The following GRM7 variants were observed in gnomAD, a reference collection of about 807,000 sequenced individuals.
GRM7 encodes glutamate metabotropic receptor 7, also known as metabotropic glutamate receptor 7.
A neutral mutation model predicts 84.5 loss-of-function variants in GRM7; 35 were observed. The ratio of observed to expected loss-of-function variants is 0.41; its 90% CI spans 0.32 to 0.55. The LOEUF (loss-of-function observed/expected upper bound fraction) is 0.55. GRM7 is among the 20% of genes least tolerant of loss of function. The pLI, the probability that GRM7 is intolerant of heterozygous loss-of-function variation, is 0.19. For synonymous variants in GRM7, 487 were observed against 455.1 expected, an observed-to-expected ratio of 1.07 and a Z score of -0.89; for missense variants, 1,003 against 1,194.6, an observed-to-expected ratio of 0.84 and a Z score of 2.36.
intron 1 of GRM7, among the ~76,000 whole-genome samples, chr3:6,882,790 A>G (rs1435606572): frequency 6.6e-6 from 1 of 152,232 alleles, no homozygotes; most frequent in Non-Finnish European, 1.5e-5. Context: ...AAACTTAAAT[A>G]GCTCAGCAGC....
intron 4 of GRM7, among the ~76,000 whole-genome samples, chr3:7,393,456 G>A (rs1695084940): frequency 6.6e-6 from 1 of 152,158 alleles, no homozygotes; most frequent in Non-Finnish European, 1.5e-5. Context: ...GTTTCCCTGT[G>A]TCCAGGGGTC....
intron 7 of GRM7, among the ~76,000 whole-genome samples, chr3:7,474,946 G>A (rs1698862056): frequency 6.6e-6 from 1 of 152,158 alleles, no homozygotes; most frequent in Non-Finnish European, 1.5e-5. Context: ...ATACAAAGTG[G>A]TGACTGGTCT....
intron 1 of GRM7, among the ~76,000 whole-genome samples, chr3:6,983,428 T>C (rs1694277969): frequency 6.6e-6 from 1 of 152,036 alleles, no homozygotes; most frequent in Non-Finnish European, 1.5e-5. Context: ...CTTCAGGGGA[T>C]GAATGGGGAA....
At chr3:7,035,635 T>A (rs550914900) in intron 1 of GRM7, among the ~76,000 whole-genome samples, 1 of 152,294 alleles carries the variant, frequency 6.6e-6, no homozygotes. Flanking sequence ...AAAATGGGAA[T>A]GTATCAAAGA....
chr3:7,095,194 A>G (rs1358270494), intron 1 of GRM7, among the ~76,000 whole-genome samples: 3 of 152,152 alleles, frequency 2.0e-5, no homozygotes, highest in African/African-American at 7.2e-5. Context: ...AAATTAACTA[A>G]TCTTCCCTAA....
rs1702045527 is a variant in GRM7, at chr3:7,724,186, C to G, written c.2699-16171C>G. 2.0e-5 allele frequency among the ~76,000 whole-genome samples: 3 copies of G among 152,138 alleles called. No individual in the cohort carries two copies. The South Asian group carries it at 6.2e-4, about 32-fold the overall frequency. On this transcript the variant is annotated intron_variant, in intron 9 of 9. Transcript: ENST00000357716. ...ACGGAACCATGCCTGCCTGTATTAA[C>G]CACTCAAATTCCCTATCCATGAGAA... is the stretch of plus-strand genomic sequence containing the variant.
intron 5 of GRM7, among the ~76,000 whole-genome samples, chr3:7,424,393 C>T (rs531466670): frequency 6.6e-6 from 1 of 152,162 alleles, no homozygotes. Context: ...ATTATTCTTC[C>T]TTTACCTTAA....
intron 7 of GRM7, among the ~76,000 whole-genome samples, chr3:7,577,842 A>G (rs1042071565): frequency 6.6e-6 from 1 of 152,236 alleles, no homozygotes; most frequent in African/African-American, 2.4e-5. Context: ...AAAAGTTCTC[A>G]GTGAAAATGA....
intron 2 of GRM7, among the ~76,000 whole-genome samples, chr3:7,247,721 A>G (rs1697828492): frequency 6.6e-6 from 1 of 151,998 alleles, no homozygotes; most frequent in Admixed American, 6.5e-5. Flanking sequence ...GGAAAACAAT[A>G]TATACCCCCA....
chr3:6,864,979 A>T (rs1694891620), intron 1 of GRM7, among the ~76,000 whole-genome samples: 1 of 152,172 alleles, frequency 6.6e-6, no homozygotes, highest in South Asian at 2.1e-4. Context: ...TTACACACTG[A>T]GTGGGTTAGT....
chr3:6,936,665 C>G (rs1697704452), intron 1 of GRM7, among the ~76,000 whole-genome samples: 1 of 152,190 alleles, frequency 6.6e-6, no homozygotes, highest in Admixed American at 6.5e-5. Flanking sequence ...GATTAGTCTT[C>G]TAATCTTTGT....
intron 2 of GRM7, among the ~76,000 whole-genome samples, chr3:7,185,740 T>C (rs1378898591): frequency 6.6e-6 from 1 of 152,170 alleles, no homozygotes; most frequent in East Asian, 1.9e-4. Context: ...GGGAAGGGGA[T>C]CCAGCAGTCT....
intron 2 of GRM7, among the ~76,000 whole-genome samples, chr3:7,245,440 A>G (rs1697722040): frequency 1.3e-5 from 2 of 152,182 alleles, no homozygotes; most frequent in African/African-American, 4.8e-5. Context: ...AGAGATAACG[A>G]CAATAAGCAA....
chr3:7,266,837 G>A (rs1698659283), intron 2 of GRM7, among the ~76,000 whole-genome samples: 1 of 152,034 alleles, frequency 6.6e-6, no homozygotes, highest in Non-Finnish European at 1.5e-5. Flanking sequence ...ACAGGTTTCT[G>A]GTTTTCTACC....
At chr3:7,348,357 C>T (rs917382479) in intron 4 of GRM7, among the ~76,000 whole-genome samples, 3 of 152,110 alleles carry the variant, frequency 2.0e-5, no homozygotes, top group Admixed American at 6.6e-5. Context: ...ATCTCATTTA[C>T]TCCTTTTCCC....
At chr3:7,304,038 T>A (rs1700100111) in intron 3 of GRM7, among the ~76,000 whole-genome samples, 1 of 152,042 alleles carries the variant, frequency 6.6e-6, no homozygotes, top group African/African-American at 2.4e-5. Flanking sequence ...AGGGTGGTAA[T>A]GTGCGGCCTC....
intron 2 of GRM7, among the ~76,000 whole-genome samples, chr3:7,265,134 T>C (rs1403744131): frequency 6.6e-6 from 1 of 152,234 alleles, no homozygotes; most frequent in Admixed American, 6.5e-5. Context: ...TTCAAACACA[T>C]GCTATGTTAG....
intron 1 of GRM7, among the ~76,000 whole-genome samples, chr3:6,896,768 A>G (rs1402279717): frequency 6.6e-6 from 1 of 152,020 alleles, no homozygotes; most frequent in Non-Finnish European, 1.5e-5. Context: ...TAAAATGCCT[A>G]TCTCCACTTG....
At chr3:6,931,750 C>T (rs140798113) in intron 1 of GRM7, among the ~76,000 whole-genome samples, 15 of 152,324 alleles carry the variant, frequency 9.8e-5, no homozygotes, top group Non-Finnish European at 1.9e-4. Flanking sequence ...AAATGCTAAA[C>T]TCAGTGAGCT....
Sources: allele counts gnomAD v4.1 joint callset (sites outside exome capture counted in the v4.1 genomes callset), GRCh38; gene constraint gnomAD v4.1.1; transcripts MANE v1.5; gene names NCBI Gene and HGNC (gene_info 2026-07-23, HGNC 2026-07-21).